TECTA: variants seen among roughly 807,000 people sequenced by gnomAD.
The protein encoded by TECTA is tectorin alpha.
A neutral mutation model predicts 216.8 loss-of-function variants in TECTA; 128 were observed. The observed-to-expected ratio is 0.59, with a 90% CI of 0.51 to 0.68. The LOEUF (loss-of-function observed/expected upper bound fraction) is 0.68. Among genes scored for constraint, TECTA ranks in the 30% least tolerant of loss-of-function variants. TECTA has a pLI of 0.00. For missense variants in TECTA, 2,551 were observed against 2,786.2 expected, an observed-to-expected ratio of 0.92 and a Z score of 1.90; for synonymous variants, 1,089 against 1,117.1, an observed-to-expected ratio of 0.97 and a Z score of 0.50.
chr11:121,118,478 A>G lies in TECTA; in HGVS notation c.963A>G (p.Thr321=), dbSNP rs1402980326. Residue 321 remains threonine, a synonymous_variant, in exon 7 of 24, where the codon ACA becomes ACG. Coordinates refer to ENST00000392793, the MANE Select transcript of TECTA (RefSeq NM_005422.4). ...ACTGCAGCGCTGTGGAGACCAGCACATGCGTGGTGTTTGGGGAGCCACACT... is the reference window on the plus strand; with the variant it reads ...ACTGCAGCGCTGTGGAGACCAGCACGTGCGTGGTGTTTGGGGAGCCACACT... The part of the protein sequence containing the change: ...FFYCSAVETS[T]CVVFGEPHYH... The G allele has an allele frequency of 1.9e-6, 3 of 1,614,200 alleles. No homozygotes were observed. Among genetic ancestry groups the G allele is most frequent in the Non-Finnish European group, 2.5e-6 (3 of 1,180,036 alleles).
In TECTA at chr11:121,127,820, T is replaced by TTG. The variant is rs752023113; in HGVS notation, c.1843_1844insTG (p.Ser615LeufsTer4). On this transcript the variant is annotated frameshift_variant, in exon 9 of 24. Transcript: ENST00000392793. LOFTEE classifies it high-confidence loss of function. This position sits in a 1 kb window ranked among gnomAD's most constrained non-coding sequence, Gnocchi z 5.0. ...CACAAGCAGCTGCCCCGACACATGC[T>TTG]CCGACCTGACGGCCTCGCGGAACTG... 1.2e-6 allele frequency: 2 copies of TTG among 1,614,124 alleles called. No individual in the cohort carries two copies. The highest frequency in any genetic ancestry group is 3.3e-5 in the Admixed American group (2 of 60,024).
At chr11:121,107,975 G>T (rs1195335446) in intron 3 of TECTA, among the ~76,000 whole-genome samples, 1 of 152,108 alleles carries the variant, frequency 6.6e-6, no homozygotes, top group Non-Finnish European at 1.5e-5. Flanking sequence ...CCTTGTCCTT[G>T]CTCTGAGTGC....
intron 7 of TECTA, among the ~76,000 whole-genome samples, chr11:121,123,058 C>T (rs1289043080): frequency 6.6e-6 from 1 of 152,208 alleles, no homozygotes; most frequent in East Asian, 1.9e-4. Context: ...ACCATCATCT[C>T]ATCGCCTAGA....
chr11:121,129,838 C>G lies in TECTA; in HGVS notation c.2568C>G (p.Ala856=). The G allele has an allele frequency of 6.2e-7, 1 of 1,614,222 alleles. No homozygotes were observed. The highest frequency in any genetic ancestry group is 8.5e-7 in the Non-Finnish European group (1 of 1,180,046). ...TGTGCGGCTTCTACAATGCCAACGC[C>G]AGTGACGAGTTCTGTCTCCCCAACG... ...GGLCGFYNAN[A]SDEFCLPNGK... The change falls in exon 10 of 24, where the codon GCC becomes GCG. Residue 856 remains alanine, a synonymous_variant. Coordinates refer to ENST00000392793, the MANE Select transcript of TECTA (RefSeq NM_005422.4).
In TECTA at chr11:121,137,544, G is replaced by T. The variant is rs752410830; in HGVS notation, c.3065G>T (p.Gly1022Val). ...SCSEGCQCDEGYALLGSQCVT... is the reference protein window; with the variant it reads ...SCSEGCQCDEVYALLGSQCVT... ...TCTGAGGGATGTCAGTGTGATGAGG[G>T]CTATGCTCTACTGGGCAGCCAGTGT... The change falls in exon 11 of 24, where the codon GGC becomes GTC. Residue 1022 changes from glycine (G) to valine (V), a missense_variant. By Grantham distance (109) the Gly-to-Val change is moderately radical. Coordinates refer to ENST00000392793, the MANE Select transcript of TECTA (RefSeq NM_005422.4). 6.2e-7 allele frequency: 1 copy of T among 1,613,970 alleles called. No individual in the cohort carries two copies. The highest frequency in any genetic ancestry group is 1.3e-5 in the African/African-American group (1 of 74,978).
chr11:121,142,129 C>A (rs1438139391), intron 11 of TECTA, among the ~76,000 whole-genome samples: 1 of 152,146 alleles, frequency 6.6e-6, no homozygotes, highest in African/African-American at 2.4e-5. Context: ...GACTTTGCTG[C>A]AGAAGACCTT....
At chr11:121,139,195 T>C (rs1946760041) in intron 11 of TECTA, among the ~76,000 whole-genome samples, 1 of 152,250 alleles carries the variant, frequency 6.6e-6, no homozygotes, top group South Asian at 2.1e-4. Flanking sequence ...TCCCAGTTGT[T>C]TTCCTCTCTG....
intron 18 of TECTA, 152 bp downstream of exon 18, chr11:121,166,932 GC>G: frequency 1.2e-6 from 1 of 861,426 alleles, no homozygotes; most frequent in Non-Finnish European, 1.9e-6. Context: ...ATGAAAGACA[GC>G]AAGAGCAGTC....
At position 121,186,897 on chromosome 11, in the gene TECTA, A is replaced by G. The variant is rs577458949; in HGVS notation, c.6000-935A>G. On this transcript the variant is annotated intron_variant, in intron 20 of 23. Coordinates refer to ENST00000392793, the MANE Select transcript of TECTA (RefSeq NM_005422.4). ...CTGTGGCAACACCATTTGTTCACTC[A>G]TTCATTCATCTGACAGAAGTTTTCA... 4.6e-5 allele frequency among the ~76,000 whole-genome samples: 7 copies of G among 152,322 alleles called. No individual in the cohort carries two copies. The South Asian group carries it at 1.5e-3, about 32-fold the overall frequency.
At chr11:121,190,595 T>C (rs1947331577) in intron 23 of TECTA, 111 bp from the exon 24 acceptor site, 1 of 843,800 alleles carries the variant, frequency 1.2e-6, no homozygotes, top group African/African-American at 1.7e-5. Flanking sequence ...TAAAATGGGT[T>C]CTTGGCAATG....
chr11:121,128,278 G>A lies in TECTA; in HGVS notation c.2301G>A (p.Arg767=), dbSNP rs748734366. The A allele has an allele frequency of 1.3e-6, 2 of 1,599,804 alleles. No homozygotes were observed. The highest frequency in any genetic ancestry group is 2.2e-5 in the South Asian group (2 of 91,076). Residue 767 remains arginine (R), a synonymous_variant, in exon 9 of 24, where the codon CGG becomes CGA. Transcript: ENST00000392793. ...CCGATGCAGGACCTGCTTGGCTGCG[G>A]GGACTTCGGATCCTGGTGGCCGACC... ...KKPDAGPAWL[R]GLRILVADQE...
At chr11:121,123,911 T>C (rs910626274) in intron 7 of TECTA, among the ~76,000 whole-genome samples, 1 of 152,102 alleles carries the variant, frequency 6.6e-6, no homozygotes, top group African/African-American at 2.4e-5. Flanking sequence ...CTTGTAATCC[T>C]GGGAGTGCCC....
intron 7 of TECTA, among the ~76,000 whole-genome samples, chr11:121,119,094 G>A (rs1404208348): frequency 3.3e-5 from 5 of 151,844 alleles, no homozygotes; most frequent in Non-Finnish European, 7.4e-5. Flanking sequence ...TGCAATAATT[G>A]TAGCCACATA....
chr11:121,170,265 T>C (rs1405880920), intron 20 of TECTA, among the ~76,000 whole-genome samples: 1 of 152,202 alleles, frequency 6.6e-6, no homozygotes, highest in Non-Finnish European at 1.5e-5. Flanking sequence ...TGATGTATAC[T>C]TAGGTTGATT....
intron 3 of TECTA, among the ~76,000 whole-genome samples, chr11:121,108,826 C>T (rs202193501): frequency 4.9e-5 from 4 of 82,368 alleles, no homozygotes; most frequent in South Asian, 1.0e-3. Flanking sequence ...CACACACTCA[C>T]GCACCTCACC....
intron 11 of TECTA, among the ~76,000 whole-genome samples, chr11:121,139,861 G>T (rs569802018): frequency 6.8e-4 from 104 of 152,286 alleles, no homozygotes; most frequent in Middle Eastern, 3.4e-3. Context: ...TAGATGTTTG[G>T]ATAGTCAAAG....
chr11:121,114,985 C>T (rs189271348), intron 6 of TECTA, among the ~76,000 whole-genome samples: 55 of 48,368 alleles, frequency 1.1e-3, no homozygotes, highest in Non-Finnish European at 1.5e-3. Context: ...ATTTATCCAT[C>T]CACCCATTCA....
intron 3 of TECTA, among the ~76,000 whole-genome samples, chr11:121,106,793 A>G (rs1946394758): frequency 1.3e-5 from 2 of 152,192 alleles, no homozygotes; most frequent in African/African-American, 4.8e-5. Context: ...TCCCGCTAGA[A>G]AAGAGTTCAC....
chr11:121,166,288 G>A (rs1947052413), intron 17 of TECTA, among the ~76,000 whole-genome samples: 1 of 152,200 alleles, frequency 6.6e-6, no homozygotes. Context: ...TTACAGAAAA[G>A]TAGCTGCCAC....
Sources: allele counts gnomAD v4.1 joint callset (sites outside exome capture counted in the v4.1 genomes callset), GRCh38; gene constraint gnomAD v4.1.1; non-coding constraint Gnocchi (gnomAD v3.1); transcripts MANE v1.5; gene names NCBI Gene and HGNC (gene_info 2026-07-23, HGNC 2026-07-21).